The following DPP6 variants were observed in gnomAD, a reference collection of about 807,000 sequenced individuals.
DPP6 encodes the protein dipeptidyl peptidase like 6.
In DPP6, 69 loss-of-function variants were observed where a neutral mutation model predicts 122.6. The ratio of observed to expected loss-of-function variants is 0.56; its 90% CI spans 0.46 to 0.69. DPP6 has a LOEUF of 0.69. Ranked by LOEUF, DPP6 falls within the 30% of genes least tolerant of loss-of-function variation. The probability of loss-of-function intolerance (pLI) is 0.00; values close to 1 mark genes in which losing one functional copy is unlikely to be tolerated. For missense variants in DPP6, 928 were observed against 1,116.9 expected, an observed-to-expected ratio of 0.83 and a Z score of 2.41; for synonymous variants, 418 against 433.1, an observed-to-expected ratio of 0.97 and a Z score of 0.43.
intron 1 of DPP6, among the ~76,000 whole-genome samples, chr7:154,324,464 G>C (rs1009855712): frequency 4.6e-5 from 7 of 152,134 alleles, no homozygotes; most frequent in African/African-American, 1.7e-4. Flanking sequence ...CCAAAACCTA[G>C]CCTCAGCTTG....
intron 5 of DPP6, among the ~76,000 whole-genome samples, chr7:154,591,572 A>G (rs1832810640): frequency 3.3e-5 from 5 of 152,216 alleles, no homozygotes; most frequent in South Asian, 4.1e-4. Context: ...AAAGTCTGGA[A>G]GGAGACAGGA....
intron 1 of DPP6, among the ~76,000 whole-genome samples, chr7:154,278,275 C>CT (rs1327859864): frequency 6.6e-6 from 1 of 152,202 alleles, no homozygotes; most frequent in African/African-American, 2.4e-5. Context: ...TCAAAAAAAT[C>CT]TAACTCAGAA....
At chr7:154,583,398 G>T (rs1394894987) in intron 5 of DPP6, among the ~76,000 whole-genome samples, 2 of 152,162 alleles carry the variant, frequency 1.3e-5, no homozygotes, top group Admixed American at 1.3e-4. Flanking sequence ...TCAGTCCTTG[G>T]TTCCACAGGC....
intron 7 of DPP6, among the ~76,000 whole-genome samples, chr7:154,711,314 G>A (rs1421767271): frequency 2.6e-5 from 4 of 152,194 alleles, no homozygotes; most frequent in Admixed American, 6.5e-5. Flanking sequence ...AAGGCAGGAG[G>A]ATTGCTTGAG....
chr7:153,856,364 G>A, the DPP6 span, among the ~76,000 whole-genome samples: 11 of 152,150 alleles, frequency 7.2e-5, no homozygotes, highest in Admixed American at 1.3e-4. Flanking sequence ...GTTAAATTCC[G>A]TGTTTCTGAA....
intron 6 of DPP6, among the ~76,000 whole-genome samples, chr7:154,647,975 G>A (rs1471024231): frequency 6.6e-6 from 1 of 152,012 alleles, no homozygotes; most frequent in African/African-American, 2.4e-5. Context: ...GCCTGGCCGG[G>A]CACAGTGGCT....
chr7:154,720,959 C>T (rs113563338), intron 7 of DPP6, among the ~76,000 whole-genome samples: 2,572 of 152,272 alleles, frequency 0.017, 66 homozygotes, highest in African/African-American at 0.057. Context: ...CAGCTGCTGA[C>T]GCAGCTGCCA....
chr7:154,175,577 G>T (rs1797757459), intron 1 of DPP6, among the ~76,000 whole-genome samples: 1 of 152,072 alleles, frequency 6.6e-6, no homozygotes, highest in South Asian at 2.1e-4. Context: ...CTGGACCTGG[G>T]ACCTATAGAA....
intron 5 of DPP6, among the ~76,000 whole-genome samples, chr7:154,599,010 C>G (rs1447440487): frequency 6.6e-6 from 1 of 152,116 alleles, no homozygotes; most frequent in African/African-American, 2.4e-5. Context: ...AGAGACCCTG[C>G]AGCAGTAGGT....
the DPP6 span, among the ~76,000 whole-genome samples, chr7:153,767,578 C>T: frequency 7.4e-4 from 111 of 150,744 alleles, no homozygotes; most frequent in African/African-American, 2.3e-3. Flanking sequence ...AAGGTTTCAC[C>T]GTGTTAGCCA....
At position 154,848,288 on chromosome 7, in the gene DPP6, C is replaced by T. The variant is rs970473934; in HGVS notation, c.1667-5492C>T. Among the ~76,000 whole-genome samples, 7 of 152,254 alleles carry T rather than the reference C, an allele frequency of 4.6e-5. No individual in the cohort carries two copies. The South Asian group carries it at 1.5e-3, about 32-fold the overall frequency. ...TAGTTTTACTAATTTACCTTCCCCC[C>T]AGAGCATATAAAGGTTTCCTTTTCT... is the stretch of plus-strand genomic sequence containing the variant. On this transcript the variant is annotated intron_variant, in intron 16 of 25. Transcript: ENST00000377770.
chr7:154,512,145 A>G (rs12538549), intron 3 of DPP6, among the ~76,000 whole-genome samples: 22,916 of 152,238 alleles, frequency 0.15, 1,858 homozygotes, highest in Admixed American at 0.23. Context: ...TCTAACTTGT[A>G]TATACTTTTA....
At chr7:154,186,423 G>A (rs1161432675) in intron 1 of DPP6, among the ~76,000 whole-genome samples, 1 of 152,218 alleles carries the variant, frequency 6.6e-6, no homozygotes, top group South Asian at 2.1e-4. Context: ...TGACATCTCC[G>A]AATGATCTGA....
At chr7:154,474,860 G>A (rs1360514795) in intron 2 of DPP6, 79 bp from the exon 3 acceptor site, 1 of 1,101,638 alleles carries the variant, frequency 9.1e-7, no homozygotes, top group Non-Finnish European at 1.4e-6. Context: ...ATTTATAAAT[G>A]ACAATCAGAA....
the DPP6 span, among the ~76,000 whole-genome samples, chr7:153,773,043 T>C: frequency 6.9e-6 from 1 of 145,134 alleles, no homozygotes; most frequent in South Asian, 2.1e-4. Flanking sequence ...AAGTCTTTGA[T>C]ATTAATATAA....
chr7:154,733,442 C>T (rs1029135434), intron 8 of DPP6, among the ~76,000 whole-genome samples: 1 of 152,340 alleles, frequency 6.6e-6, no homozygotes, highest in Admixed American at 6.5e-5. Flanking sequence ...TGAGGCAAGG[C>T]CTGCTTTGCA....
intron 13 of DPP6, among the ~76,000 whole-genome samples, chr7:154,803,332 A>C (rs3807271): frequency 0.15 from 23,516 of 152,074 alleles, 2,895 homozygotes; most frequent in African/African-American, 0.34. Flanking sequence ...GCTCAAGGGG[A>C]ACATAGGGAA....
intron 8 of DPP6, among the ~76,000 whole-genome samples, chr7:154,743,505 A>G (rs1488929): frequency 0.46 from 69,857 of 151,974 alleles, 16,800 homozygotes; most frequent in African/African-American, 0.6. Flanking sequence ...TGTGTGGTGA[A>G]GTGAGAGAAA....
At chr7:154,753,887 C>G (rs182728000) in intron 8 of DPP6, among the ~76,000 whole-genome samples, 1 of 152,308 alleles carries the variant, frequency 6.6e-6, no homozygotes, top group East Asian at 1.9e-4. Context: ...CACAGAGGCC[C>G]TGAGCTGCTT....
Sources: gnomAD v4.1 joint callset for allele counts (sites outside exome capture counted in the v4.1 genomes callset) on GRCh38, gnomAD v4.1.1 for gene constraint, MANE v1.5 for transcripts, NCBI Gene and HGNC (gene_info 2026-07-23, HGNC 2026-07-21) for gene names.